The following SLC45A3 variants were observed in gnomAD, a reference collection of about 807,000 sequenced individuals.
SLC45A3 encodes the protein prostate cancer associated protein 2.
In SLC45A3, 17 loss-of-function variants were observed where a neutral mutation model predicts 35.3. The observed-to-expected ratio is 0.48, with a 90% CI of 0.33 to 0.72. The LOEUF is 0.72. Ranked by LOEUF, SLC45A3 falls within the 30% of genes least tolerant of loss-of-function variation. SLC45A3 has a pLI of 0.02. For missense variants in SLC45A3, 597 were observed against 731.7 expected, an observed-to-expected ratio of 0.82 and a Z score of 2.12; for synonymous variants, 288 against 334.3, an observed-to-expected ratio of 0.86 and a Z score of 1.51.
At position 205,669,997 on chromosome 1, in the gene SLC45A3, G is replaced by T. The variant is rs1671182937; in HGVS notation, c.-230-5111C>A. On this transcript the variant is annotated intron_variant, in intron 1 of 4. Transcript: ENST00000367145. The surrounding 1 kb of genome is among the most constrained non-coding windows in gnomAD (Gnocchi z 4.1). ...GGGAGTGGACCTCTCAGGTCTGGGG[G>T]TTCCCCAGCCCTCCTCCCCATTACC... 5.3e-5 allele frequency among the ~76,000 whole-genome samples: 8 copies of T among 152,254 alleles called. No individual in the cohort carries two copies. In the South Asian group the frequency reaches 1.5e-3, roughly 28 times the overall value.
chr1:205,659,773 A>G lies in SLC45A3; in HGVS notation c.1225-102T>C. ...AGACCCTTGCCTCCATCCCAGGGGC[A>G]ATGGGACTTCATGAGAATCAGGAGC... On this transcript the variant is annotated intron_variant, in intron 4 of 4. Coordinates refer to ENST00000367145, the MANE Select transcript of SLC45A3 (RefSeq NM_033102.3). This position sits in a 1 kb window ranked among gnomAD's most constrained non-coding sequence, Gnocchi z 5.8. 1 of 1,091,384 alleles carries G rather than the reference A, an allele frequency of 9.2e-7. No homozygotes were observed. The highest frequency in any genetic ancestry group is 1.3e-6 in the Non-Finnish European group (1 of 787,528). 67.6% of individuals were successfully genotyped at this position (1,091,384 alleles called of 1,614,324 possible). A position where few individuals can be genotyped will look rare whatever the true frequency, so the allele number is the denominator to read the frequency against.
At chr1:205,675,879 A>G (rs1671306118) in intron 1 of SLC45A3, among the ~76,000 whole-genome samples, 1 of 152,294 alleles carries the variant, frequency 6.6e-6, no homozygotes, top group African/African-American at 2.4e-5. Context: ...CTAACCAGGC[A>G]GCCCCCAGGG....
At chr1:205,660,024 G>C (rs1302818314) in intron 4 of SLC45A3, among the ~76,000 whole-genome samples, 1 of 152,180 alleles carries the variant, frequency 6.6e-6, no homozygotes, top group Admixed American at 6.5e-5. Context: ...ACGGTGGTAA[G>C]AGATGCACAG....
intron 1 of SLC45A3, among the ~76,000 whole-genome samples, chr1:205,675,166 A>G (rs1671290296): frequency 6.6e-6 from 1 of 152,166 alleles, no homozygotes; most frequent in Non-Finnish European, 1.5e-5. Flanking sequence ...CCGTTGCCAG[A>G]TTTCTTCCTC....
intron 1 of SLC45A3, among the ~76,000 whole-genome samples, chr1:205,665,515 C>A (rs1011543011): frequency 6.6e-6 from 1 of 152,138 alleles, no homozygotes; most frequent in Non-Finnish European, 1.5e-5. Context: ...CTGAGTTCAA[C>A]GTTCAAGGGG....
Position 205,658,241 on chromosome 1 carries a change from A to T in SLC45A3, c.*993T>A, listed in dbSNP as rs111567088. On this transcript the variant is annotated 3_prime_UTR_variant, in exon 5 of 5. Coordinates refer to ENST00000367145, the MANE Select transcript of SLC45A3 (RefSeq NM_033102.3). The stretch of plus-strand genomic sequence containing the variant: ...CCTAGAGAGAGTAGAGGGGAGTGGA[A>T]GTGGGGGGAACCAGGCTGGGCCAAG... 1.9e-3 allele frequency: 449 copies of T among 232,508 alleles called. 1 individual carries two copies. Among genetic ancestry groups the T allele is most frequent in the African/African-American group, 9.4e-3 (428 of 45,368 alleles). The allele number at this position is 232,508 out of a possible 1,614,324, so 14.4% of individuals were successfully genotyped here.
At chr1:205,679,520 A>T in intron 1 of SLC45A3, among the ~76,000 whole-genome samples, 1 of 152,166 alleles carries the variant, frequency 6.6e-6, no homozygotes. Context: ...GCCTAGGCCC[A>T]GAGCTCTGAG....
rs1558034789 is a variant in SLC45A3 at position 205,664,590 on chromosome 1, G to C, written c.67C>G (p.Leu23Val). 1 of 1,614,272 alleles carries C rather than the reference G, an allele frequency of 6.2e-7. No individual in the cohort carries two copies. Among genetic ancestry groups the C allele is most frequent in the Non-Finnish European group, 8.5e-7 (1 of 1,180,038 alleles). The change falls in exon 2 of 5, where the codon CTG becomes GTG. Residue 23 changes from leucine to valine, a missense_variant. Around this residue, in one of 3 missense-constraint regions of SLC45A3, gnomAD observed 37 missense variants for 41.1 expected, o/e 0.90. Coordinates refer to ENST00000367145, the MANE Select transcript of SLC45A3 (RefSeq NM_033102.3). The surrounding 1 kb of genome is among the most constrained non-coding windows in gnomAD (Gnocchi z 5.3). ...CACACCTCCAGGCCAAAGGTTAGCA[G>C]GTTGACCAGCAAGAGCTGGGCTTTC... is the stretch of plus-strand genomic sequence containing the variant. ...HRKAQLLLVN[L>V]LTFGLEVCLA...
rs537940723 is a variant in SLC45A3 at position 205,658,242 on chromosome 1, G to A, written c.*992C>T. ...CTAGAGAGAGTAGAGGGGAGTGGAA[G>A]TGGGGGGAACCAGGCTGGGCCAAGA... On this transcript the variant is annotated 3_prime_UTR_variant, in exon 5 of 5. Coordinates refer to ENST00000367145, the MANE Select transcript of SLC45A3 (RefSeq NM_033102.3). The A allele has an allele frequency of 4.3e-6, 1 of 232,802 alleles. No individual in the cohort carries two copies. Among genetic ancestry groups the A allele is most frequent in the African/African-American group, 2.2e-5 (1 of 45,298 alleles). 14.4% of individuals were successfully genotyped at this position (232,802 alleles called of 1,614,324 possible). A position where few individuals can be genotyped will look rare whatever the true frequency, so the allele number is the denominator to read the frequency against.
Position 205,658,141 on chromosome 1 carries a change from G to C in SLC45A3, c.*1093C>G. Reference sequence around the variant, plus strand: ...CAGTAGCTCCAAACAGGGTTGTGGAGCTGGTGGGGAAAGTTGGGGGTAGGG... The same window carrying C: ...CAGTAGCTCCAAACAGGGTTGTGGACCTGGTGGGGAAAGTTGGGGGTAGGG... On this transcript the variant is annotated 3_prime_UTR_variant, in exon 5 of 5. Coordinates refer to ENST00000367145, the MANE Select transcript of SLC45A3 (RefSeq NM_033102.3). 1 of 229,126 alleles carries C rather than the reference G, an allele frequency of 4.4e-6. No individual in the cohort carries two copies. The highest frequency in any genetic ancestry group is 8.6e-6 in the Non-Finnish European group (1 of 115,726). The allele number at this position is 229,126 out of a possible 1,614,324, so 14.2% of individuals were successfully genotyped here. A position where few individuals can be genotyped will look rare whatever the true frequency, so the allele number is the denominator to read the frequency against.
At position 205,664,798 on chromosome 1, in the gene SLC45A3, C is replaced by T; in HGVS notation, c.-142G>A. 2 of 1,439,532 alleles carry T rather than the reference C, an allele frequency of 1.4e-6. No individual in the cohort carries two copies. The highest frequency in any genetic ancestry group is 2.6e-4 in the Middle Eastern group (1 of 3,896). The allele number at this position is 1,439,532 out of a possible 1,614,324, so 89.2% of individuals were successfully genotyped here. ...TCAGCCAGGCGCCCATTTCTGCCAGCCCTTTGGTGCCGGTCCAGCTTCTCA... is the reference window on the plus strand; with the variant it reads ...TCAGCCAGGCGCCCATTTCTGCCAGTCCTTTGGTGCCGGTCCAGCTTCTCA... On this transcript the variant is annotated 5_prime_UTR_variant, in exon 2 of 5. Coordinates refer to ENST00000367145, the MANE Select transcript of SLC45A3 (RefSeq NM_033102.3). This position sits in a 1 kb window ranked among gnomAD's most constrained non-coding sequence, Gnocchi z 5.3.
chr1:205,668,014 G>C (rs145380559), intron 1 of SLC45A3, among the ~76,000 whole-genome samples: 1 of 152,248 alleles, frequency 6.6e-6, no homozygotes, highest in East Asian at 1.9e-4. Context: ...TGACTAGGAA[G>C]GGTGCAGGCT....
rs1489518790 is a variant in SLC45A3, at chr1:205,663,613, C to A, written c.178G>T (p.Gly60Cys). ...ACACAGACCAGGCCCAGCACTGGAC[C>A]AATGCCTGCAAGAAGGGAAGTAGTA... is the stretch of plus-strand genomic sequence containing the variant. ...EKFMTMVLGI[G>C]PVLGLVCVPL... Residue 60 changes from glycine (G) to cysteine (C), a missense_variant, in exon 3 of 5, where the codon GGT becomes TGT. Gly to Cys is a radical substitution (Grantham distance 159, BLOSUM62 -3). Around this residue, in one of 3 missense-constraint regions of SLC45A3, gnomAD observed 555 missense variants for 664.9 expected, o/e 0.83. Transcript: ENST00000367145. 41 of 1,568,244 alleles carry A rather than the reference C, an allele frequency of 2.6e-5. No individual in the cohort carries two copies. Among genetic ancestry groups the A allele is most frequent in the Non-Finnish European group, 3.2e-5 (37 of 1,159,778 alleles).
At chr1:205,674,602 CAAAA>C (rs57508315) in intron 1 of SLC45A3, among the ~76,000 whole-genome samples, 43 of 95,458 alleles carry the variant, frequency 4.5e-4, no homozygotes, top group Middle Eastern at 5.6e-3. Context: ...GATGCTGTTT[CAAAA>C]AAAAAAAAAA....
intron 1 of SLC45A3, among the ~76,000 whole-genome samples, chr1:205,678,001 C>T (rs542681869): frequency 1.3e-5 from 2 of 152,296 alleles, no homozygotes; most frequent in South Asian, 4.2e-4. Flanking sequence ...TGGAGCTCAC[C>T]TAGTGAAGCA....
In SLC45A3 at chr1:205,664,763, T is replaced by C; in HGVS notation, c.-107A>G. 6.7e-7 allele frequency: 1 copy of C among 1,481,892 alleles called. No homozygotes were observed. The highest frequency in any genetic ancestry group is 8.9e-7 in the Non-Finnish European group (1 of 1,121,310). The allele number at this position is 1,481,892 out of a possible 1,614,324, so 91.8% of individuals were successfully genotyped here. ...GCCTCTCCTCCTTGCTGCCGCCAAC[T>C]GCCTAGGAATCAGCCAGGCGCCCAT... On this transcript the variant is annotated 5_prime_UTR_variant, in exon 2 of 5. Transcript: ENST00000367145. This position sits in a 1 kb window ranked among gnomAD's most constrained non-coding sequence, Gnocchi z 5.3.
chr1:205,677,513 T>G (rs1671332003), intron 1 of SLC45A3, among the ~76,000 whole-genome samples: 1 of 152,224 alleles, frequency 6.6e-6, no homozygotes, highest in Non-Finnish European at 1.5e-5. Flanking sequence ...GGTACTATTA[T>G]CCTCATTTTA....
chr1:205,664,968 G>A lies in SLC45A3; in HGVS notation c.-230-82C>T, dbSNP rs1350015010. ...TCCACGATTTGCTCTAAATTGTCTG[G>A]ATCCTGATCATTCACAGGCTGGCGA... On this transcript the variant is annotated intron_variant, in intron 1 of 4. Transcript: ENST00000367145. This position sits in a 1 kb window ranked among gnomAD's most constrained non-coding sequence, Gnocchi z 5.3. 1.7e-6 allele frequency: 2 copies of A among 1,197,264 alleles called. No homozygotes were observed. The highest frequency in any genetic ancestry group is 2.1e-6 in the Non-Finnish European group (2 of 960,730). The allele number at this position is 1,197,264 out of a possible 1,614,324, so 74.2% of individuals were successfully genotyped here.
At position 205,662,759 on chromosome 1, in the gene SLC45A3, C is replaced by A; in HGVS notation, c.958+74G>T. The A allele has an allele frequency of 6.6e-7, 1 of 1,511,806 alleles. No individual in the cohort carries two copies. Among genetic ancestry groups the A allele is most frequent in the Non-Finnish European group, 8.8e-7 (1 of 1,131,512 alleles). The allele number at this position is 1,511,806 out of a possible 1,614,324, so 93.6% of individuals were successfully genotyped here. ...CGGGGCCAGGATGGAGAGGCACCAG[C>A]CCAGACACAGCCCCGAGTGTCGTCT... is the stretch of plus-strand genomic sequence containing the variant. On this transcript the variant is annotated intron_variant, in intron 3 of 4. Coordinates refer to ENST00000367145, the MANE Select transcript of SLC45A3 (RefSeq NM_033102.3). The surrounding 1 kb of genome is among the most constrained non-coding windows in gnomAD (Gnocchi z 6.2).
Sources: gnomAD v4.1 joint callset for allele counts (sites outside exome capture counted in the v4.1 genomes callset) on GRCh38, gnomAD v4.1.1 for gene constraint, gnomAD v4.1.1 regional missense constraint, Gnocchi (gnomAD v3.1) non-coding constraint, MANE v1.5 for transcripts, NCBI Gene and HGNC (gene_info 2026-07-23, HGNC 2026-07-21) for gene names.